Variants in IGSF9 observed in about 807,000 individuals in gnomAD.
IGSF9 encodes the protein immunoglobulin superfamily member 9.
A neutral mutation model predicts 121.7 loss-of-function variants in IGSF9; 87 were observed. The ratio of observed to expected loss-of-function variants is 0.71; its 90% CI spans 0.60 to 0.85. The LOEUF (loss-of-function observed/expected upper bound fraction) is 0.85, where lower values mean the gene tolerates loss of function less well. Ranked by LOEUF, IGSF9 falls within the 40% of genes least tolerant of loss-of-function variation. The pLI is 0.00. For synonymous variants in IGSF9, 640 were observed against 648.4 expected, an observed-to-expected ratio of 0.99 and a Z score of 0.20; for missense variants, 1,462 against 1,565.3, an observed-to-expected ratio of 0.93 and a Z score of 1.11.
In IGSF9 at chr1:159,936,431, C is replaced by T; in HGVS notation, c.641G>A (p.Ser214Asn). ...YTCQASSTEG[S>N]ATHATQLLVL... ...TAGCAGCTGGGTGGCGTGGGTGGCGCTGCCCTCAGTGCTGGAGGCTTGGCA... is the reference window on the plus strand; with the variant it reads ...TAGCAGCTGGGTGGCGTGGGTGGCGTTGCCCTCAGTGCTGGAGGCTTGGCA... The change falls in exon 6 of 21, where the codon AGC becomes AAC. Residue 214 changes from serine to asparagine, a missense_variant. This residue lies in a region of IGSF9 where 558 missense variants were observed against 599.4 expected (regional missense o/e 0.93). Transcript: ENST00000368094. 1 of 1,614,116 alleles carries T rather than the reference C, an allele frequency of 6.2e-7. No homozygotes were observed. The highest frequency in any genetic ancestry group is 8.5e-7 in the Non-Finnish European group (1 of 1,180,006).
chr1:159,931,349 A>G lies in IGSF9; in HGVS notation c.1514-88T>C. The G allele has an allele frequency of 1.9e-6, 3 of 1,599,738 alleles. No individual in the cohort carries two copies. Among genetic ancestry groups the G allele is most frequent in the Non-Finnish European group, 1.7e-6 (2 of 1,170,632 alleles). On this transcript the variant is annotated intron_variant, in intron 12 of 20. Transcript: ENST00000368094. This position sits in a 1 kb window ranked among gnomAD's most constrained non-coding sequence, Gnocchi z 4.8. Reference sequence around the variant, plus strand: ...GCCCCAGGGCCACTGACCTTCACCCATCATCATCCCAGGGGTCCCACACCC... The same window carrying G: ...GCCCCAGGGCCACTGACCTTCACCCGTCATCATCCCAGGGGTCCCACACCC...
Position 159,932,146 on chromosome 1 carries a change from ATGG to A in IGSF9, c.1246-221_1246-219del. 3 of 566,848 alleles carry A rather than the reference ATGG, an allele frequency of 5.3e-6. No homozygotes were observed. Among genetic ancestry groups the A allele is most frequent in the Non-Finnish European group, 6.2e-6 (2 of 322,022 alleles). The allele number at this position is 566,848 out of a possible 1,614,324, so 35.1% of individuals were successfully genotyped here. On this transcript the variant is annotated intron_variant, in intron 10 of 20. Transcript: ENST00000368094. This position sits in a 1 kb window ranked among gnomAD's most constrained non-coding sequence, Gnocchi z 4.1. The stretch of plus-strand genomic sequence containing the variant: ...CCCAGTGGGTAGGGGCTGGAGGAAA[ATGG>A]TGGTGTAGTAAGGGCTGGCAGGCTT...
At position 159,932,568 on chromosome 1, in the gene IGSF9, G is replaced by C. The variant is rs1438880527; in HGVS notation, c.1189C>G (p.Pro397Ala). ...CCGGCGGTACCAAGACTGTTGTAGG[G>C]GGTGCAGGAGTATTCTCCCAGGGCA... The part of the protein sequence containing the change: ...EDALGEYSCT[P>A]YNSLGTAGPS... The change falls in exon 10 of 21, where the codon CCC (proline) becomes GCC (alanine). Residue 397 changes from proline (P) to alanine (A), a missense_variant. By Grantham distance (27) the Pro-to-Ala change is conservative (BLOSUM62 -1). Around this residue, in one of 3 missense-constraint regions of IGSF9, gnomAD observed 558 missense variants for 599.4 expected, o/e 0.93. Coordinates refer to ENST00000368094, the MANE Select transcript of IGSF9 (RefSeq NM_001135050.2). This position sits in a 1 kb window ranked among gnomAD's most constrained non-coding sequence, Gnocchi z 4.1. 1.2e-6 allele frequency: 2 copies of C among 1,613,976 alleles called. No homozygotes were observed. The highest frequency in any genetic ancestry group is 1.3e-5 in the African/African-American group (1 of 74,912).
chr1:159,931,783 T>C lies in IGSF9; in HGVS notation c.1362+29A>G. 6.7e-7 allele frequency: 1 copy of C among 1,501,902 alleles called. No homozygotes were observed. The highest frequency in any genetic ancestry group is 1.4e-5 in the African/African-American group (1 of 71,872). The allele number at this position is 1,501,902 out of a possible 1,614,324, so 93.0% of individuals were successfully genotyped here. A position where few individuals can be genotyped will look rare whatever the true frequency, so the allele number is the denominator to read the frequency against. Reference sequence around the variant, plus strand: ...GAGGCAGGGGTGTAGTGGGCGTGGGTACAGGCAGAGCGGGCTCAGGAGCCT... The same window carrying C: ...GAGGCAGGGGTGTAGTGGGCGTGGGCACAGGCAGAGCGGGCTCAGGAGCCT... On this transcript the variant is annotated intron_variant, in intron 11 of 20. Coordinates refer to ENST00000368094, the MANE Select transcript of IGSF9 (RefSeq NM_001135050.2). This position sits in a 1 kb window ranked among gnomAD's most constrained non-coding sequence, Gnocchi z 4.8.
At position 159,942,962 on chromosome 1, in the gene IGSF9, C is replaced by A; in HGVS notation, c.247+1G>T. 1 of 1,612,210 alleles carries A rather than the reference C, an allele frequency of 6.2e-7. No individual in the cohort carries two copies. The highest frequency in any genetic ancestry group is 2.2e-5 in the East Asian group (1 of 44,794). On this transcript the variant is annotated splice_donor_variant, in intron 3 of 20. Transcript: ENST00000368094. LOFTEE classifies it high-confidence loss of function. ...ACCTCCCACCTGAGGAGAACTCTTA[C>A]CCACGTAATCAGGGTCAATTCGGGG... is the stretch of plus-strand genomic sequence containing the variant.
intron 3 of IGSF9, among the ~76,000 whole-genome samples, chr1:159,942,300 C>T (rs12745767): frequency 0.049 from 7,400 of 152,284 alleles, 288 homozygotes; most frequent in East Asian, 0.17. Context: ...TAAGTCCCAA[C>T]AGGTGCCACC....
chr1:159,932,778 T>C lies in IGSF9; in HGVS notation c.1105-126A>G. ...TGCAGAAGACTCCAGCAGCTCCATG[T>C]CTAGGCCTGACCCCTCTCTGATTTC... is the stretch of plus-strand genomic sequence containing the variant. On this transcript the variant is annotated intron_variant, in intron 9 of 20. Transcript: ENST00000368094. The surrounding 1 kb of genome is among the most constrained non-coding windows in gnomAD (Gnocchi z 4.1). The C allele has an allele frequency of 1.1e-6, 1 of 905,364 alleles. No individual in the cohort carries two copies. The highest frequency in any genetic ancestry group is 1.6e-6 in the Non-Finnish European group (1 of 613,768). 56.1% of individuals were successfully genotyped at this position (905,364 alleles called of 1,614,324 possible). A position where few individuals can be genotyped will look rare whatever the true frequency, so the allele number is the denominator to read the frequency against.
intron 17 of IGSF9, 100 bp from the exon 18 acceptor site, chr1:159,929,493 G>A (rs528155208): frequency 1.3e-6 from 2 of 1,520,896 alleles, no homozygotes; most frequent in Admixed American, 3.7e-5. Flanking sequence ...CCATCCGGCT[G>A]GGAAAAGCGT....
rs1013449374 is a variant in IGSF9 at position 159,932,811 on chromosome 1, T to G, written c.1105-159A>C. 16 of 656,606 alleles carry G rather than the reference T, an allele frequency of 2.4e-5. No homozygotes were observed. The African/African-American group carries it at 3.0e-4, about 12-fold the overall frequency. 40.7% of individuals were successfully genotyped at this position (656,606 alleles called of 1,614,324 possible). ...TGACCCCTCTCTGATTTCCAGTGCT[T>G]CCTTTCCTTCCTGCAGAGGGACCCC... On this transcript the variant is annotated intron_variant, in intron 9 of 20. Transcript: ENST00000368094. This position sits in a 1 kb window ranked among gnomAD's most constrained non-coding sequence, Gnocchi z 4.1.
At position 159,932,587 on chromosome 1, in the gene IGSF9, C is replaced by T; in HGVS notation, c.1170G>A (p.Leu390=). The T allele has an allele frequency of 6.2e-7, 1 of 1,614,022 alleles. No homozygotes were observed. ...LIIALGNEDA[L]GEYSCTPYNS... is the part of the protein sequence containing the mutation. ...TGTAGGGGGTGCAGGAGTATTCTCC[C>T]AGGGCATCCTCGTTCCCCAGGGCGA... Residue 390 remains leucine, a synonymous_variant, in exon 10 of 21, where the codon CTG becomes CTA. Coordinates refer to ENST00000368094, the MANE Select transcript of IGSF9 (RefSeq NM_001135050.2). The surrounding 1 kb of genome is among the most constrained non-coding windows in gnomAD (Gnocchi z 4.1).
rs1317242075 is a variant in IGSF9, at chr1:159,930,693, T to A, written c.1812A>T (p.Glu604Asp). 6.2e-7 allele frequency: 1 copy of A among 1,614,030 alleles called. No individual in the cohort carries two copies. Among genetic ancestry groups the A allele is most frequent in the South Asian group, 1.1e-5 (1 of 91,078 alleles). The change falls in exon 14 of 21, where the codon GAA becomes GAT. Residue 604 changes from glutamate (E) to aspartate (D), a missense_variant and splice_region_variant. Glu to Asp is a conservative substitution (Grantham distance 45). Transcript: ENST00000368094. Reference protein sequence around the residue: ...PFSEIVLSAPEGLPTTPAAPG... With the variant: ...PFSEIVLSAPDGLPTTPAAPG... ...GTTCTGGGACGAGAAGCTTCTCACCTTCCGGAGCAGACAAGACGATTTCGC... is the reference window on the plus strand; with the variant it reads ...GTTCTGGGACGAGAAGCTTCTCACCATCCGGAGCAGACAAGACGATTTCGC...
At chr1:159,944,001 A>G (rs1185355899) in intron 1 of IGSF9, among the ~76,000 whole-genome samples, 2 of 152,080 alleles carry the variant, frequency 1.3e-5, no homozygotes, top group Non-Finnish European at 2.9e-5. Context: ...AGTATGGTAG[A>G]TCAAGACTCT....
chr1:159,927,840 G>C lies in IGSF9; in HGVS notation c.3278C>G (p.Pro1093Arg). Residue 1093 changes from proline to arginine, a missense_variant, in exon 20 of 21, where the codon CCT becomes CGT. Physicochemically the swap from Pro to Arg is moderately radical, Grantham distance 103. Transcript: ENST00000368094. ...DENYEWDSEF[P>R]GDMELLETLH... ...AGTCTCCAGCAATTCCATGTCCCCA[G>C]GGAATTCTGAGTCCCACTCATAGTT... 1 of 1,613,136 alleles carries C rather than the reference G, an allele frequency of 6.2e-7. No individual in the cohort carries two copies. Among genetic ancestry groups the C allele is most frequent in the South Asian group, 1.1e-5 (1 of 91,068 alleles).
At chr1:159,927,671 G>T in intron 20 of IGSF9, 89 bp downstream of exon 20, 1 of 1,554,634 alleles carries the variant, frequency 6.4e-7, no homozygotes, top group Non-Finnish European at 8.7e-7. Flanking sequence ...GGGAGGCAGG[G>T]CCTGACTGGG....
At chr1:159,944,365 G>A (rs1352022379) in intron 1 of IGSF9, among the ~76,000 whole-genome samples, 1 of 152,124 alleles carries the variant, frequency 6.6e-6, no homozygotes. Flanking sequence ...CCAGTATGGG[G>A]GATCCAGGCA....
In IGSF9 at chr1:159,937,829, C is replaced by T. The variant is rs144339370; in HGVS notation, c.257G>A (p.Arg86Gln). ...CTGGAGAGAGGCCCCCTTCTGCAGC[C>T]GGACTCGTCCTGGGGGAGGAGCCCT... is the stretch of plus-strand genomic sequence containing the variant. ...RIDPDYVGRV[R>Q]LQKGASLQIE... The change falls in exon 4 of 21, where the codon CGG (arginine) becomes CAG (glutamine). Residue 86 changes from arginine (R) to glutamine (Q), a missense_variant. By Grantham distance (43) the Arg-to-Gln change is conservative. Around this residue, in one of 3 missense-constraint regions of IGSF9, gnomAD observed 558 missense variants for 599.4 expected, o/e 0.93. Coordinates refer to ENST00000368094, the MANE Select transcript of IGSF9 (RefSeq NM_001135050.2). The T allele has an allele frequency of 7.5e-4, 1,218 of 1,613,590 alleles. No individual in the cohort carries two copies. The highest frequency in any genetic ancestry group is 9.8e-4 in the Non-Finnish European group (1,152 of 1,179,820).
chr1:159,927,097 C>CACAGAGAGAGAGAGAGAGAGAGAGAG lies in IGSF9; in HGVS notation c.*247_*248insCTCTCTCTCTCTCTCTCTCTCTCTGT, dbSNP rs762782876. 1 of 324,014 alleles carries CACAGAGAGAGAGAGAGAGAGAGAGAG rather than the reference C, an allele frequency of 3.1e-6. No homozygotes were observed. Among genetic ancestry groups the CACAGAGAGAGAGAGAGAGAGAGAGAG allele is most frequent in the Admixed American group, 5.0e-5 (1 of 20,062 alleles). 20.1% of individuals were successfully genotyped at this position (324,014 alleles called of 1,614,324 possible). ...AACTTCACACACACACACACACACA[C>CACAGAGAGAGAGAGAGAGAGAGAGAG]AGAGAGAGAGAGAGAGAGAGAGAGA... On this transcript the variant is annotated 3_prime_UTR_variant, in exon 21 of 21. Coordinates refer to ENST00000368094, the MANE Select transcript of IGSF9 (RefSeq NM_001135050.2).
rs1650767688 is a variant in IGSF9, at chr1:159,927,241, AAGGGGCAGGC to A, written c.*94_*103del. On this transcript the variant is annotated 3_prime_UTR_variant, in exon 21 of 21. Transcript: ENST00000368094. ...TATCAGGGTCTGTGCCTGGGCACCAAAGGGGCAGGCAGGGGCAGTGCCCTCGTTTGAAACT... is the reference window on the plus strand; with the variant it reads ...TATCAGGGTCTGTGCCTGGGCACCAAAGGGGCAGTGCCCTCGTTTGAAACT... 4 of 1,404,114 alleles carry A rather than the reference AAGGGGCAGGC, an allele frequency of 2.8e-6. No individual in the cohort carries two copies. In the African/African-American group the frequency reaches 4.3e-5, roughly 15 times the overall value. 87.0% of individuals were successfully genotyped at this position (1,404,114 alleles called of 1,614,324 possible). A position where few individuals can be genotyped will look rare whatever the true frequency, so the allele number is the denominator to read the frequency against.
In IGSF9 at chr1:159,943,460, A is replaced by G; in HGVS notation, c.-6T>C. On this transcript the variant is annotated 5_prime_UTR_variant, in exon 2 of 21. Coordinates refer to ENST00000368094, the MANE Select transcript of IGSF9 (RefSeq NM_001135050.2). The stretch of plus-strand genomic sequence containing the variant: ...AGGCCGAGGCACCACACCATAGCCC[A>G]GCTGGCCTGCTCACCCAGCCCCTCC... 1 of 1,563,374 alleles carries G rather than the reference A, an allele frequency of 6.4e-7. No homozygotes were observed. Among genetic ancestry groups the G allele is most frequent in the Non-Finnish European group, 8.7e-7 (1 of 1,154,490 alleles).
Sources: gnomAD v4.1 joint callset for allele counts (sites outside exome capture counted in the v4.1 genomes callset) on GRCh38, gnomAD v4.1.1 for gene constraint, gnomAD v4.1.1 regional missense constraint, Gnocchi (gnomAD v3.1) non-coding constraint, MANE v1.5 for transcripts, NCBI Gene and HGNC (gene_info 2026-07-23, HGNC 2026-07-21) for gene names.